NAV2: variants seen among roughly 807,000 people sequenced by gnomAD.
NAV2 encodes helicase, APC down-regulated 1.
Under a neutral mutation model 223.2 loss-of-function variants are expected in NAV2, and 54 were observed. The ratio of observed to expected loss-of-function variants is 0.24; its 90% CI spans 0.19 to 0.30. NAV2 has a LOEUF of 0.30. Ranked by LOEUF, NAV2 falls within the 10% of genes least tolerant of loss-of-function variation. NAV2 has a pLI of 1.00. For missense variants in NAV2, 2,806 were observed against 3,147.5 expected, an observed-to-expected ratio of 0.89 and a Z score of 2.60; for synonymous variants, 1,279 against 1,239.3, an observed-to-expected ratio of 1.03 and a Z score of -0.67.
intron 1 of NAV2, among the ~76,000 whole-genome samples, chr11:19,677,730 C>T (rs1244630495): frequency 3.3e-5 from 5 of 152,214 alleles, no homozygotes; most frequent in Non-Finnish European, 7.3e-5. Context: ...AAACTATGGC[C>T]CCCAGGCCAA....
chr11:19,586,131 ATCTTCCATCACTGATACCCTT>A (rs2045890973), intron 1 of NAV2, among the ~76,000 whole-genome samples: 1 of 152,020 alleles, frequency 6.6e-6, no homozygotes, highest in African/African-American at 2.4e-5. Context: ...TCATTCATTT[ATCTTCCATCACTGATACCCTT>A]TCTTCCAGTT....
At chr11:20,059,072 T>C (rs1355493240) in intron 19 of NAV2, among the ~76,000 whole-genome samples, 2 of 152,044 alleles carry the variant, frequency 1.3e-5, no homozygotes, top group African/African-American at 4.8e-5. Flanking sequence ...TCTGACTCAG[T>C]TGGGTTTTTT....
chr11:20,045,625 A>G lies in NAV2; in HGVS notation c.3857A>G (p.Gln1286Arg), dbSNP rs373137442. ...TCCAGTCCGGCTCAGACCAGTCTCC[A>G]GCCTGGAGCCAAGTACCCAGATGTG... Reference protein sequence around the residue: ...PVSSPAQTSLQPGAKYPDVAS... With the variant: ...PVSSPAQTSLRPGAKYPDVAS... Residue 1286 changes from glutamine to arginine, a missense_variant, in exon 14 of 38, where the codon CAG (glutamine) becomes CGG (arginine). Gln to Arg is a conservative substitution (Grantham distance 43). Coordinates refer to ENST00000349880, the MANE Select transcript of NAV2 (RefSeq NM_145117.5). The G allele has an allele frequency of 9.3e-6, 15 of 1,614,106 alleles. No individual in the cohort carries two copies. The highest frequency in any genetic ancestry group is 1.2e-5 in the Non-Finnish European group (14 of 1,180,046).
At chr11:20,016,869 G>A (rs192506116) in intron 11 of NAV2, among the ~76,000 whole-genome samples, 7 of 151,276 alleles carry the variant, frequency 4.6e-5, no homozygotes, top group South Asian at 2.1e-4. Flanking sequence ...AGCCAGGTGC[G>A]GTGGCGCACA....
chr11:19,460,655 G>C (rs1269757901), intron 1 of NAV2, among the ~76,000 whole-genome samples: 3 of 122,732 alleles, frequency 2.4e-5, no homozygotes, highest in African/African-American at 6.3e-5. Context: ...GTCGTGGGGT[G>C]GGGGGAGGGG....
At chr11:20,021,670 C>T (rs181448169) in intron 11 of NAV2, among the ~76,000 whole-genome samples, 1 of 152,320 alleles carries the variant, frequency 6.6e-6, no homozygotes, top group East Asian at 1.9e-4. Context: ...CTCCTTCCCT[C>T]AAACTCACCC....
At chr11:20,005,253 A>ATT (rs35999844) in intron 11 of NAV2, among the ~76,000 whole-genome samples, 2 of 134,554 alleles carry the variant, frequency 1.5e-5, no homozygotes, top group African/African-American at 5.6e-5. Flanking sequence ...ATATATATAT[A>ATT]TTTTTTTTTT....
chr11:19,957,150 A>C (rs1335984308), intron 10 of NAV2, among the ~76,000 whole-genome samples: 1 of 152,190 alleles, frequency 6.6e-6, no homozygotes, highest in Admixed American at 6.5e-5. Flanking sequence ...AGATGCAATG[A>C]GGCTCCAAGA....
chr11:19,381,676 T>C (rs778338776), intron 1 of NAV2, among the ~76,000 whole-genome samples: 1 of 151,848 alleles, frequency 6.6e-6, no homozygotes, highest in South Asian at 2.1e-4. Context: ...GGAGTTGGGA[T>C]TGGGAGAGGA....
intron 6 of NAV2, among the ~76,000 whole-genome samples, chr11:19,899,418 A>G (rs2042261849): frequency 6.6e-6 from 1 of 152,246 alleles, no homozygotes; most frequent in Non-Finnish European, 1.5e-5. Context: ...GGATTCTGAC[A>G]TAAAATTACA....
intron 1 of NAV2, among the ~76,000 whole-genome samples, chr11:19,772,902 A>G (rs1413783550): frequency 1.3e-5 from 2 of 152,250 alleles, no homozygotes; most frequent in Non-Finnish European, 2.9e-5. Flanking sequence ...TCTGGGAAAT[A>G]CATTAAGCCA....
chr11:19,586,540 C>T (rs182810068), intron 1 of NAV2, among the ~76,000 whole-genome samples: 15 of 152,160 alleles, frequency 9.9e-5, no homozygotes, highest in Admixed American at 4.6e-4. Flanking sequence ...ATGATGGTGA[C>T]GTACATATGG....
intron 1 of NAV2, among the ~76,000 whole-genome samples, chr11:19,498,748 G>A (rs1224719370): frequency 1.3e-5 from 2 of 152,156 alleles, no homozygotes; most frequent in Non-Finnish European, 2.9e-5. Flanking sequence ...ACTATTGTCT[G>A]CTGTGTTCCA....
intron 1 of NAV2, among the ~76,000 whole-genome samples, chr11:19,779,847 C>T (rs2056598183): frequency 6.6e-6 from 1 of 152,124 alleles, no homozygotes; most frequent in Admixed American, 6.5e-5. Flanking sequence ...ACCTTTCTTA[C>T]CTTTGAATCA....
At chr11:19,991,065 C>T (rs922769668) in intron 11 of NAV2, among the ~76,000 whole-genome samples, 3 of 152,168 alleles carry the variant, frequency 2.0e-5, no homozygotes, top group Non-Finnish European at 4.4e-5. Flanking sequence ...TTGTGAGGAT[C>T]AAATGAGGTG....
At chr11:19,726,836 G>A (rs558674347) in intron 1 of NAV2, among the ~76,000 whole-genome samples, 4 of 152,154 alleles carry the variant, frequency 2.6e-5, no homozygotes, top group African/African-American at 9.7e-5. Flanking sequence ...AGAAATGAAA[G>A]TTTAAGAAAC....
intron 1 of NAV2, among the ~76,000 whole-genome samples, chr11:19,368,344 C>A (rs187646494): frequency 1.3e-4 from 20 of 152,244 alleles, no homozygotes; most frequent in African/African-American, 4.8e-4. Flanking sequence ...AACAAACAAG[C>A]AAGTTTCCTG....
chr11:19,757,235 G>C (rs947271180), intron 1 of NAV2, among the ~76,000 whole-genome samples: 100 of 152,162 alleles, frequency 6.6e-4, no homozygotes, highest in African/African-American at 2.4e-3. Context: ...TGCCTTTGTG[G>C]TGTTGCCAAA....
intron 20 of NAV2, among the ~76,000 whole-genome samples, chr11:20,067,353 C>A (rs947397132): frequency 6.6e-6 from 1 of 152,190 alleles, no homozygotes; most frequent in Non-Finnish European, 1.5e-5. Context: ...CAGGAGCAGT[C>A]TTCCTTGCTC....
Sources: allele counts gnomAD v4.1 joint callset (sites outside exome capture counted in the v4.1 genomes callset), GRCh38; gene constraint gnomAD v4.1.1; transcripts MANE v1.5; gene names NCBI Gene and HGNC (gene_info 2026-07-23, HGNC 2026-07-21).